The following PHACTR1 variants were observed in gnomAD, a reference collection of about 807,000 sequenced individuals.
PHACTR1 encodes RPEL repeat containing 1.
PHACTR1 carries 16 observed loss-of-function variants against 69.2 expected under a neutral mutation model. That is an observed-to-expected ratio of 0.23 (90% confidence interval 0.16 to 0.35). The LOEUF (loss-of-function observed/expected upper bound fraction) is 0.35, where lower values mean the gene tolerates loss of function less well. PHACTR1 is among the 10% of genes least tolerant of loss of function. The pLI is 1.00. For missense variants in PHACTR1, 510 were observed against 734.7 expected (o/e 0.69, Z 3.54); for synonymous variants, 312 against 284.5 (o/e 1.10, Z -0.97).
intron 5 of PHACTR1, among the ~76,000 whole-genome samples, chr6:13,084,287 A>G (rs1357270218): frequency 6.7e-6 from 1 of 148,432 alleles, no homozygotes; most frequent in African/African-American, 2.5e-5. Flanking sequence ...AAAAACCAAC[A>G]CCGCATGTTC....
intron 4 of PHACTR1, 143 bp from the exon 5 acceptor site, chr6:13,053,221 AC>A: frequency 1.1e-6 from 1 of 907,124 alleles, no homozygotes; most frequent in Non-Finnish European, 1.6e-6. Context: ...CACTGGTGTG[AC>A]TTCCATTCCA....
chr6:12,919,238 GT>G (rs1244835564), intron 4 of PHACTR1, among the ~76,000 whole-genome samples: 1 of 152,162 alleles, frequency 6.6e-6, no homozygotes, highest in African/African-American at 2.4e-5. Flanking sequence ...TGACTCCCAG[GT>G]TCAAGTGATT....
chr6:12,979,302 T>C (rs982305766), intron 4 of PHACTR1, among the ~76,000 whole-genome samples: 1 of 152,252 alleles, frequency 6.6e-6, no homozygotes, highest in African/African-American at 2.4e-5. Context: ...ATCATAATCA[T>C]TAAGCATGTC....
At position 13,287,483 on chromosome 6, in the gene PHACTR1, G is replaced by A. The variant is rs531467871; in HGVS notation, c.*405G>A. 1 of 227,578 alleles carries A rather than the reference G, an allele frequency of 4.4e-6. No individual in the cohort carries two copies. 14.1% of individuals were successfully genotyped at this position (227,578 alleles called of 1,614,324 possible). On this transcript the variant is annotated 3_prime_UTR_variant, in exon 15 of 15. Transcript: ENST00000332995. The stretch of plus-strand genomic sequence containing the variant: ...TGAGTCCAAAGAAAGCTGAAGGGGT[G>A]GGTTTGTTTTGGGGGTACTGTGCAA...
intron 5 of PHACTR1, among the ~76,000 whole-genome samples, chr6:13,154,808 TA>T (rs1250677680): frequency 6.6e-6 from 1 of 151,864 alleles, no homozygotes; most frequent in African/African-American, 2.4e-5. Flanking sequence ...CCTCTTCTTC[TA>T]AATTCTTTAA....
At chr6:13,003,273 A>AT (rs1798307060) in intron 4 of PHACTR1, among the ~76,000 whole-genome samples, 1 of 152,180 alleles carries the variant, frequency 6.6e-6, no homozygotes, top group South Asian at 2.1e-4. Context: ...TGTTTCATTC[A>AT]TTTTTTATCA....
chr6:12,781,265 T>C (rs544557031), intron 4 of PHACTR1, among the ~76,000 whole-genome samples: 38 of 152,306 alleles, frequency 2.5e-4, no homozygotes, highest in African/African-American at 8.4e-4. Context: ...GGCTTCACTG[T>C]GAGTCCCCTG....
chr6:12,906,113 G>C (rs1019719191), intron 4 of PHACTR1, among the ~76,000 whole-genome samples: 1 of 152,120 alleles, frequency 6.6e-6, no homozygotes, highest in Non-Finnish European at 1.5e-5. Flanking sequence ...TGTCACTTGT[G>C]GTCTGAGTGT....
chr6:12,843,909 A>T (rs16873449), intron 4 of PHACTR1, among the ~76,000 whole-genome samples: 28,754 of 152,144 alleles, frequency 0.19, 2,929 homozygotes, highest in African/African-American at 0.26. Flanking sequence ...GCATCGATGG[A>T]GTGCAGTAGA....
chr6:13,000,677 GGA>G (rs1797998838), intron 4 of PHACTR1, among the ~76,000 whole-genome samples: 1 of 150,212 alleles, frequency 6.7e-6, no homozygotes, highest in African/African-American at 2.5e-5. Context: ...AAGGAAGGAA[GGA>G]AGGAAGGAAG....
chr6:12,888,670 C>A lies in PHACTR1; in HGVS notation c.250+138880C>A, dbSNP rs553652031. On this transcript the variant is annotated intron_variant, in intron 4 of 14. Coordinates refer to ENST00000332995, the MANE Select transcript of PHACTR1 (RefSeq NM_030948.6). The stretch of plus-strand genomic sequence containing the variant: ...TCTAAGAAAGAAACCATTCACTTAT[C>A]TAGAGAACACACCCATCCAAAATGA... Among the ~76,000 whole-genome samples, 10 of 152,220 alleles carry A rather than the reference C, an allele frequency of 6.6e-5. No individual in the cohort carries two copies. The South Asian group carries it at 2.1e-3, about 32-fold the overall frequency.
intron 4 of PHACTR1, among the ~76,000 whole-genome samples, chr6:12,788,283 C>A (rs1328270028): frequency 6.6e-6 from 1 of 151,968 alleles, no homozygotes; most frequent in Non-Finnish European, 1.5e-5. Context: ...ATTTCTACCA[C>A]TTAGCGAGAT....
At chr6:12,922,711 G>A (rs1407359991) in intron 4 of PHACTR1, among the ~76,000 whole-genome samples, 1 of 152,194 alleles carries the variant, frequency 6.6e-6, no homozygotes, top group Non-Finnish European at 1.5e-5. Context: ...GTAAGAAGGA[G>A]TATGGAAGTA....
At chr6:12,950,801 C>T (rs899311114) in intron 4 of PHACTR1, among the ~76,000 whole-genome samples, 2 of 152,114 alleles carry the variant, frequency 1.3e-5, no homozygotes, top group East Asian at 3.9e-4. Context: ...CTCACCTGGC[C>T]CCAGTGAGCA....
At chr6:13,114,381 T>C (rs1416690304) in intron 5 of PHACTR1, among the ~76,000 whole-genome samples, 1 of 152,204 alleles carries the variant, frequency 6.6e-6, no homozygotes, top group African/African-American at 2.4e-5. Flanking sequence ...GAATAATGGA[T>C]AGTCTCTCCA....
intron 4 of PHACTR1, among the ~76,000 whole-genome samples, chr6:12,885,860 C>T (rs1289950420): frequency 1.3e-5 from 2 of 152,124 alleles, no homozygotes; most frequent in Non-Finnish European, 2.9e-5. Flanking sequence ...TTTGGGAGGC[C>T]GAGGCGGGCG....
intron 5 of PHACTR1, among the ~76,000 whole-genome samples, chr6:13,135,578 C>T (rs1357712993): frequency 6.6e-6 from 1 of 152,214 alleles, no homozygotes; most frequent in Non-Finnish European, 1.5e-5. Context: ...TCTTAGCCCA[C>T]AGGTCTTAAT....
chr6:13,269,037 A>G (rs757112025), intron 10 of PHACTR1, among the ~76,000 whole-genome samples: 44 of 152,320 alleles, frequency 2.9e-4, no homozygotes, highest in Non-Finnish European at 5.0e-4. Context: ...TGTCATGTTC[A>G]CTAATGAGAT....
At chr6:13,149,464 T>C (rs1238186232) in intron 5 of PHACTR1, among the ~76,000 whole-genome samples, 1 of 152,214 alleles carries the variant, frequency 6.6e-6, no homozygotes, top group African/African-American at 2.4e-5. Context: ...CTGATGTAGA[T>C]GACTTGGATA....
Sources: gnomAD v4.1 joint callset for allele counts (sites outside exome capture counted in the v4.1 genomes callset) on GRCh38, gnomAD v4.1.1 for gene constraint, MANE v1.5 for transcripts, NCBI Gene and HGNC (gene_info 2026-07-23, HGNC 2026-07-21) for gene names.